Variants in CLIC6 observed in about 807,000 individuals in gnomAD.
CLIC6 encodes the protein CLIC family member 6, also known as chloride intracellular channel protein 6.
A neutral mutation model predicts 49.2 loss-of-function variants in CLIC6; 39 were observed. That is an observed-to-expected ratio of 0.79 (90% CI 0.61 to 1.04). The LOEUF (loss-of-function observed/expected upper bound fraction) is 1.04, where lower values mean the gene tolerates loss of function less well. CLIC6 is among the 50% of genes least tolerant of loss of function. The pLI, the probability that CLIC6 is intolerant of heterozygous loss-of-function variation, is 0.00. For missense variants in CLIC6, 988 were observed against 993.1 expected (o/e 0.99, Z 0.07); for synonymous variants, 446 against 433.4 (o/e 1.03, Z -0.36).
chr21:34,705,325 C>G (rs1027458038), intron 1 of CLIC6, among the ~76,000 whole-genome samples: 2 of 152,144 alleles, frequency 1.3e-5, no homozygotes, highest in Non-Finnish European at 2.9e-5. Flanking sequence ...TGCACTTCCA[C>G]TTGCTCCAGA....
At position 34,703,848 on chromosome 21, in the gene CLIC6, G is replaced by A. The variant is rs1216692398; in HGVS notation, c.1375-3432G>A. 2.0e-5 allele frequency among the ~76,000 whole-genome samples: 3 copies of A among 152,124 alleles called. No homozygotes were observed. In the East Asian group the frequency reaches 5.8e-4, roughly 29 times the overall value. ...TTCGGAATGTGGTGTCAGAGGCTTT[G>A]GAGGCACCGTTTCTTTCTTTCGAGA... On this transcript the variant is annotated intron_variant, in intron 1 of 5. Transcript: ENST00000349499.
intron 1 of CLIC6, among the ~76,000 whole-genome samples, chr21:34,673,134 G>A (rs529012831): frequency 6.6e-6 from 1 of 152,186 alleles, no homozygotes; most frequent in South Asian, 2.1e-4. Flanking sequence ...AGGAGTTTGT[G>A]TGGGCAGAAG....
intron 1 of CLIC6, among the ~76,000 whole-genome samples, chr21:34,685,862 A>G (rs1461079479): frequency 6.6e-6 from 1 of 152,192 alleles, no homozygotes; most frequent in Non-Finnish European, 1.5e-5. Flanking sequence ...AGCTCCACCC[A>G]TGGCTGAGTA....
intron 1 of CLIC6, among the ~76,000 whole-genome samples, chr21:34,689,249 T>C (rs1373796380): frequency 6.6e-6 from 1 of 152,212 alleles, no homozygotes; most frequent in Non-Finnish European, 1.5e-5. Context: ...CCTTTGGTTT[T>C]CCACACCTCC....
chr21:34,671,120 T>G (rs1228690416), intron 1 of CLIC6, among the ~76,000 whole-genome samples: 1 of 37,942 alleles, frequency 2.6e-5, no homozygotes, highest in Non-Finnish European at 4.7e-5. Flanking sequence ...AACTAAAAAG[T>G]TAAAAAAAAA....
chr21:34,683,062 C>T (rs557363858), intron 1 of CLIC6, among the ~76,000 whole-genome samples: 5 of 152,010 alleles, frequency 3.3e-5, no homozygotes, highest in East Asian at 3.9e-4. Context: ...CCGCCCGTCT[C>T]GGCCTCCCAA....
At chr21:34,686,883 G>C (rs1989891878) in intron 1 of CLIC6, among the ~76,000 whole-genome samples, 1 of 152,208 alleles carries the variant, frequency 6.6e-6, no homozygotes, top group South Asian at 2.1e-4. Flanking sequence ...GTATGAAACT[G>C]TCTTGGCCCC....
intron 1 of CLIC6, among the ~76,000 whole-genome samples, chr21:34,681,087 G>A (rs1227866153): frequency 6.6e-6 from 1 of 152,192 alleles, no homozygotes; most frequent in Admixed American, 6.5e-5. Context: ...GCCTGAGACT[G>A]GGTTATTTAT....
At chr21:34,709,564 G>A in intron 5 of CLIC6, 26 bp downstream of exon 5, 1 of 1,600,016 alleles carries the variant, frequency 6.2e-7, no homozygotes, top group Non-Finnish European at 8.6e-7. Context: ...CGACACGTGT[G>A]CCGAGTACAC....
chr21:34,695,178 C>A (rs964145417), intron 1 of CLIC6, among the ~76,000 whole-genome samples: 4 of 152,196 alleles, frequency 2.6e-5, no homozygotes, highest in African/African-American at 9.6e-5. Context: ...AGGTCCTCAC[C>A]TCCCCAGCTT....
Position 34,716,862 on chromosome 21 carries a change from T to TCTCTCTCTCTCTCTCTCTCTCACACACA in CLIC6, c.*381_*382insTCTCTCTCTCTCTCTCTCTCACACACAC. On this transcript the variant is annotated 3_prime_UTR_variant, in exon 6 of 6. Coordinates refer to ENST00000349499, the MANE Select transcript of CLIC6 (RefSeq NM_053277.3). ...CTCTCTCTCTCTCTCTCTCTCTCTA[T>TCTCTCTCTCTCTCTCTCTCTCACACACA]CACACACACACACACACACACACAC... The TCTCTCTCTCTCTCTCTCTCTCACACACA allele has an allele frequency of 7.6e-6, 1 of 131,634 alleles. No homozygotes were observed. The highest frequency in any genetic ancestry group is 3.2e-5 in the African/African-American group (1 of 31,214). 8.2% of individuals were successfully genotyped at this position (131,634 alleles called of 1,614,324 possible).
At chr21:34,702,964 T>C (rs2055990204) in intron 1 of CLIC6, among the ~76,000 whole-genome samples, 1 of 152,170 alleles carries the variant, frequency 6.6e-6, no homozygotes, top group East Asian at 1.9e-4. Flanking sequence ...GGTCACCTAC[T>C]GTTTTTATTC....
chr21:34,696,649 G>A (rs142040911), intron 1 of CLIC6, among the ~76,000 whole-genome samples: 2 of 152,330 alleles, frequency 1.3e-5, no homozygotes, highest in African/African-American at 4.8e-5. Context: ...AATCTGAGTT[G>A]ATACAAGTGC....
Position 34,709,491 on chromosome 21 carries a change from C to G in CLIC6, c.1852C>G (p.Leu618Val). Reference protein sequence around the residue: ...SGRKFLDGDELTLADCNLLPK... With the variant: ...SGRKFLDGDEVTLADCNLLPK... ...AAGGAAGTTTCTGGATGGGGACGAG[C>G]TGACGCTGGCTGACTGCAACCTCTT... Residue 618 changes from leucine to valine, a missense_variant, in exon 5 of 6, where the codon CTG becomes GTG. Coordinates refer to ENST00000349499, the MANE Select transcript of CLIC6 (RefSeq NM_053277.3). 1 of 1,613,954 alleles carries G rather than the reference C, an allele frequency of 6.2e-7. No individual in the cohort carries two copies. Among genetic ancestry groups the G allele is most frequent in the Non-Finnish European group, 8.5e-7 (1 of 1,179,844 alleles).
At chr21:34,671,086 T>TA (rs1048167180) in intron 1 of CLIC6, among the ~76,000 whole-genome samples, 13 of 138,526 alleles carry the variant, frequency 9.4e-5, no homozygotes, top group African/African-American at 3.6e-4. Context: ...CCAGCCCTCC[T>TA]AGTCAGGAGG....
chr21:34,697,632 G>T (rs147597160), intron 1 of CLIC6, among the ~76,000 whole-genome samples: 153 of 152,334 alleles, frequency 1.0e-3, no homozygotes, highest in African/African-American at 3.5e-3. Flanking sequence ...AGACAATAGG[G>T]TGACCAATAA....
intron 1 of CLIC6, among the ~76,000 whole-genome samples, chr21:34,681,579 A>G (rs548349584): frequency 1.8e-4 from 28 of 152,308 alleles, no homozygotes; most frequent in South Asian, 4.1e-4. Context: ...CACTTCCAAG[A>G]TGGCTGGCTC....
chr21:34,705,260 G>A (rs183127949), intron 1 of CLIC6, among the ~76,000 whole-genome samples: 32 of 152,226 alleles, frequency 2.1e-4, no homozygotes, highest in Admixed American at 1.5e-3. Context: ...AAAGTTCCAC[G>A]GTTTAAGAGG....
At chr21:34,712,720 A>G (rs2056064630) in intron 5 of CLIC6, among the ~76,000 whole-genome samples, 1 of 152,204 alleles carries the variant, frequency 6.6e-6, no homozygotes, top group South Asian at 2.1e-4. Flanking sequence ...GGCATTTTGC[A>G]TTGTGACTGC....
Sources: allele counts gnomAD v4.1 joint callset (sites outside exome capture counted in the v4.1 genomes callset), GRCh38; gene constraint gnomAD v4.1.1; transcripts MANE v1.5; gene names NCBI Gene and HGNC (gene_info 2026-07-23, HGNC 2026-07-21).